CFAP36: variants seen among roughly 807,000 people sequenced by gnomAD.
CFAP36 encodes the protein cilia- and flagella-associated protein 36.
CFAP36 carries 37 observed loss-of-function variants against 50.5 expected under a neutral mutation model. The observed-to-expected ratio is 0.73, with a 90% CI of 0.56 to 0.96. The LOEUF is 0.96. Among genes scored for constraint, CFAP36 ranks in the 50% least tolerant of loss-of-function variants. CFAP36 has a pLI of 0.00. For missense variants in CFAP36, 407 were observed against 396.2 expected (o/e 1.03, Z -0.23); for synonymous variants, 138 against 128.2 (o/e 1.08, Z -0.52).
chr2:55,522,897 C>A (rs1412536863), intron 2 of CFAP36, among the ~76,000 whole-genome samples: 1 of 151,962 alleles, frequency 6.6e-6, no homozygotes, highest in Non-Finnish European at 1.5e-5. Context: ...GAGTTCGAGA[C>A]CAGCCTGGGC....
At chr2:55,543,867 G>T (rs1464759809) in intron 7 of CFAP36, 71 bp from the exon 8 acceptor site, 22 of 1,431,202 alleles carry the variant, frequency 1.5e-5, no homozygotes, top group Non-Finnish European at 2.1e-5. Context: ...GCTCATTTCG[G>T]TAAACCTAGC....
intron 8 of CFAP36, 32 bp from the exon 9 acceptor site, chr2:55,544,188 A>G (rs1684713671): frequency 1.2e-6 from 2 of 1,607,784 alleles, no homozygotes. Context: ...ATGGATTTGA[A>G]TTTAGATAGC....
chr2:55,519,979 G>T (rs1007255547), intron 1 of CFAP36, 63 bp downstream of exon 1: 4 of 1,495,156 alleles, frequency 2.7e-6, no homozygotes, highest in Non-Finnish European at 2.8e-6. Flanking sequence ...GCGGGCAGGG[G>T]GTTGGTAACC....
chr2:55,544,877 A>T (rs200679025), intron 9 of CFAP36, 30 bp from the exon 10 acceptor site: 3 of 1,455,964 alleles, frequency 2.1e-6, no homozygotes, highest in Non-Finnish European at 2.8e-6. Flanking sequence ...CCTATTTCAT[A>T]CTGTAGCCAA....
At position 55,543,862 on chromosome 2, in the gene CFAP36, TTTCGGTAAACC is replaced by T. The variant is rs1024039413; in HGVS notation, c.641-74_641-64del. The T allele has an allele frequency of 4.9e-4, 676 of 1,379,236 alleles. 2 individuals carry two copies. Among genetic ancestry groups the T allele is most frequent in the Non-Finnish European group, 6.3e-4 (619 of 985,334 alleles). 85.4% of individuals were successfully genotyped at this position (1,379,236 alleles called of 1,614,324 possible). A position where few individuals can be genotyped will look rare whatever the true frequency, so the allele number is the denominator to read the frequency against. ...AACAAGTATTATTAACATTAGCTCA[TTTCGGTAAACC>T]TAGCCTAACACTTAAAATATTTCTC... On this transcript the variant is annotated intron_variant, in intron 7 of 9. Coordinates refer to ENST00000349456, the MANE Select transcript of CFAP36 (RefSeq NM_080667.7).
At chr2:55,544,757 A>C (rs1684727617) in intron 9 of CFAP36, 150 bp from the exon 10 acceptor site, 1 of 611,212 alleles carries the variant, frequency 1.6e-6, no homozygotes, top group East Asian at 2.8e-5. Flanking sequence ...CTTTACGAAG[A>C]AGAGATTTAG....
At chr2:55,535,397 T>C (rs1684454184) in intron 5 of CFAP36, among the ~76,000 whole-genome samples, 1 of 152,232 alleles carries the variant, frequency 6.6e-6, no homozygotes, top group African/African-American at 2.4e-5. Context: ...GAAGTCCTTA[T>C]TAATGGGATT....
Position 55,528,880 on chromosome 2 carries a change from C to T in CFAP36, c.285C>T (p.Ala95=). Residue 95 remains alanine (A), a splice_region_variant and synonymous_variant, in exon 4 of 10, where the codon GCC becomes GCT. Transcript: ENST00000349456. ...TCACTTGAGACTTCTTTCCACAGGC[C>T]ATTTTGCAACCTGTGTTGGCAGCAG... ...SPLAKTHTSQ[A]ILQPVLAAED... The T allele has an allele frequency of 1.3e-6, 2 of 1,593,082 alleles. No homozygotes were observed. Among genetic ancestry groups the T allele is most frequent in the Non-Finnish European group, 1.7e-6 (2 of 1,169,104 alleles).
intron 6 of CFAP36, among the ~76,000 whole-genome samples, chr2:55,537,102 C>G (rs1025884792): frequency 6.6e-6 from 1 of 152,138 alleles, no homozygotes; most frequent in Non-Finnish European, 1.5e-5. Flanking sequence ...AGAGGCCAGA[C>G]GTGGTGGCTC....
chr2:55,538,756 T>C (rs1355491424), intron 7 of CFAP36: 1 of 1,545,650 alleles, frequency 6.5e-7, no homozygotes, highest in Non-Finnish European at 8.7e-7. Context: ...CTTTTTTTTT[T>C]TTTTAAAGAA....
chr2:55,532,884 G>A (rs770288299), intron 4 of CFAP36, among the ~76,000 whole-genome samples: 1 of 152,224 alleles, frequency 6.6e-6, no homozygotes, highest in South Asian at 2.1e-4. Flanking sequence ...CTGCTTCGCA[G>A]GAAGATAAAA....
intron 3 of CFAP36, among the ~76,000 whole-genome samples, chr2:55,525,646 T>C (rs1457936440): frequency 6.6e-6 from 1 of 152,184 alleles, no homozygotes; most frequent in Non-Finnish European, 1.5e-5. Context: ...TTTTTTTCTT[T>C]TGAGATAGAG....
At chr2:55,527,670 C>A (rs900405421) in intron 3 of CFAP36, among the ~76,000 whole-genome samples, 1 of 152,080 alleles carries the variant, frequency 6.6e-6, no homozygotes, top group East Asian at 1.9e-4. Flanking sequence ...ATCCAATAAT[C>A]AAAAATACAC....
intron 1 of CFAP36, among the ~76,000 whole-genome samples, chr2:55,520,162 C>A (rs1157988839): frequency 6.6e-6 from 1 of 152,186 alleles, no homozygotes; most frequent in African/African-American, 2.4e-5. Flanking sequence ...GACCGAGACT[C>A]CCCTTCTCTG....
At chr2:55,526,460 GAGACAGA>G (rs1558908040) in intron 3 of CFAP36, among the ~76,000 whole-genome samples, 1 of 152,034 alleles carries the variant, frequency 6.6e-6, no homozygotes, top group African/African-American at 2.4e-5. Context: ...TTTTGTTTTT[GAGACAGA>G]GTCTTTCTCT....
At chr2:55,521,019 A>G (rs1684048306) in intron 1 of CFAP36, among the ~76,000 whole-genome samples, 1 of 152,212 alleles carries the variant, frequency 6.6e-6, no homozygotes, top group Non-Finnish European at 1.5e-5. Flanking sequence ...ATGACCTTTT[A>G]AGACTTCTTT....
chr2:55,543,067 T>TTG (rs72089560), intron 7 of CFAP36, among the ~76,000 whole-genome samples: 1 of 149,034 alleles, frequency 6.7e-6, no homozygotes, highest in Non-Finnish European at 1.5e-5. Context: ...GCAAGGTATT[T>TTG]TTTTTTTTTA....
At chr2:55,521,199 TC>T (rs1387746761) in intron 1 of CFAP36, among the ~76,000 whole-genome samples, 3 of 145,982 alleles carry the variant, frequency 2.1e-5, no homozygotes, top group African/African-American at 2.5e-5. Flanking sequence ...GTATTTGTAC[TC>T]CTTTTTTTTT....
chr2:55,541,249 G>A (rs1427782132), intron 7 of CFAP36, among the ~76,000 whole-genome samples: 5 of 152,072 alleles, frequency 3.3e-5, no homozygotes, highest in South Asian at 2.1e-4. Flanking sequence ...GCTTGAACCC[G>A]GGAGGAAGAG....
Sources: gnomAD v4.1 joint callset for allele counts (sites outside exome capture counted in the v4.1 genomes callset) on GRCh38, gnomAD v4.1.1 for gene constraint, MANE v1.5 for transcripts, NCBI Gene and HGNC (gene_info 2026-07-23, HGNC 2026-07-21) for gene names.